Variants in CTXN2 observed in about 807,000 individuals in gnomAD.
CTXN2 encodes the protein cortexin 2, also known as cortexin-2.
A neutral mutation model predicts 5.7 loss-of-function variants in CTXN2; 3 were observed. The ratio of observed to expected loss-of-function variants is 0.53; its 90% CI spans 0.24 to 1.36. The LOEUF (loss-of-function observed/expected upper bound fraction) is 1.36. Among genes scored for constraint, CTXN2 ranks in the 40% most tolerant of loss-of-function variants. The pLI is 0.17. For missense variants in CTXN2, 87 were observed against 93.0 expected (o/e 0.94, Z 0.26); for synonymous variants, 38 against 36.4 (o/e 1.04, Z -0.16).
At chr15:48,186,909 CAA>C (rs751653728), upstream of CTXN2, among the ~76,000 whole-genome samples, 11 of 44,558 alleles carry the variant, frequency 2.5e-4, no homozygotes, top group Admixed American at 2.3e-4. Flanking sequence ...GACTCCATCT[CAA>C]AAAAAAAAAA....
upstream of CTXN2, among the ~76,000 whole-genome samples, chr15:48,186,909 CAAA>C (rs751653728): frequency 2.2e-5 from 1 of 44,556 alleles, no homozygotes; most frequent in Non-Finnish European, 4.7e-5. Context: ...GACTCCATCT[CAAA>C]AAAAAAAAAA....
At chr15:48,189,558 C>T (rs900767362), upstream of CTXN2, 4 of 152,126 alleles carry the variant, frequency 2.6e-5, no homozygotes, top group South Asian at 2.1e-4. Flanking sequence ...AATACAGACT[C>T]AACTATACCA....
intron 1 of CTXN2, among the ~76,000 whole-genome samples, chr15:48,200,040 G>A (rs752245057): frequency 2.0e-5 from 3 of 152,090 alleles, no homozygotes; most frequent in South Asian, 2.1e-4. Flanking sequence ...AAAGCTACAA[G>A]TCCTGCTTTT....
chr15:48,194,312 A>G (rs1180660213), intron 1 of CTXN2, among the ~76,000 whole-genome samples: 1 of 151,972 alleles, frequency 6.6e-6, no homozygotes, highest in East Asian at 1.9e-4. Context: ...TCATGTCTTC[A>G]TTATTGAAAG....
chr15:48,188,054 A>G (rs372508023), upstream of CTXN2, among the ~76,000 whole-genome samples: 3 of 152,118 alleles, frequency 2.0e-5, no homozygotes, highest in South Asian at 2.1e-4. Flanking sequence ...TAAAACAACC[A>G]TATACACTCA....
chr15:48,200,099 G>A (rs1183726614), intron 1 of CTXN2, among the ~76,000 whole-genome samples: 1 of 151,964 alleles, frequency 6.6e-6, no homozygotes, highest in Non-Finnish European at 1.5e-5. Context: ...TTCTGTCTCA[G>A]TTGTTTCCTG....
chr15:48,189,233 G>T (rs1303724263), upstream of CTXN2: 1 of 152,228 alleles, frequency 6.6e-6, no homozygotes, highest in East Asian at 1.9e-4. Flanking sequence ...CCTTCAAAAT[G>T]TAAGCATGTG....
At position 48,197,116 on chromosome 15, in the gene CTXN2, C is replaced by T. The variant is rs575133200; in HGVS notation, c.-57-4128C>T. Among the ~76,000 whole-genome samples the T allele has an allele frequency of 1.6e-3, 247 of 151,370 alleles. 2 individuals carry two copies. Among genetic ancestry groups the T allele is most frequent in the African/African-American group, 5.8e-3 (240 of 41,338 alleles). ...TTTTTGTTGTTTGATAGCATTAAAC[C>T]ATCTTGTACAAATAAAGGGCTTAAT... is the stretch of plus-strand genomic sequence containing the variant. On this transcript the variant is annotated intron_variant, in intron 1 of 1. Transcript: ENST00000417307.
upstream of CTXN2, among the ~76,000 whole-genome samples, chr15:48,188,583 A>G (rs1000006277): frequency 1.3e-5 from 2 of 152,186 alleles, no homozygotes; most frequent in Admixed American, 6.5e-5. Flanking sequence ...ACTGTTTCAC[A>G]TAGAATTACT....
intron 1 of CTXN2, among the ~76,000 whole-genome samples, chr15:48,193,756 C>T (rs934193745): frequency 6.6e-6 from 1 of 152,034 alleles, no homozygotes; most frequent in Non-Finnish European, 1.5e-5. Context: ...TTGTTATTAA[C>T]AATATTTTCA....
intron 1 of CTXN2, among the ~76,000 whole-genome samples, chr15:48,185,968 T>A (rs2040749288): frequency 6.6e-6 from 1 of 152,232 alleles, no homozygotes; most frequent in Non-Finnish European, 1.5e-5. Context: ...TATTTGCCAA[T>A]TATTTTTTAA....
intron 1 of CTXN2, among the ~76,000 whole-genome samples, chr15:48,193,967 A>C (rs1012194204): frequency 4.6e-5 from 7 of 152,154 alleles, no homozygotes; most frequent in Non-Finnish European, 1.0e-4. Flanking sequence ...GGTTTAAATT[A>C]CTAAAACCAT....
intron 1 of CTXN2, among the ~76,000 whole-genome samples, chr15:48,179,181 C>T (rs1225785811): frequency 6.6e-6 from 1 of 152,076 alleles, no homozygotes; most frequent in Non-Finnish European, 1.5e-5. Context: ...TAATCTTTCA[C>T]ATTGACATAA....
intron 1 of CTXN2, among the ~76,000 whole-genome samples, chr15:48,194,059 C>A (rs2040853200): frequency 1.3e-5 from 2 of 152,112 alleles, no homozygotes; most frequent in South Asian, 2.1e-4. Flanking sequence ...CAGCAATGGA[C>A]AAATTTTTAA....
chr15:48,186,011 A>G (rs1026113926), intron 1 of CTXN2, among the ~76,000 whole-genome samples: 3 of 152,232 alleles, frequency 2.0e-5, no homozygotes, highest in Admixed American at 6.5e-5. Context: ...ACATTATGTT[A>G]GAAAACTGCT....
Position 48,197,157 on chromosome 15 carries a change from CTCTT to C in CTXN2, c.-57-4086_-57-4083del. On this transcript the variant is annotated intron_variant, in intron 1 of 1. Coordinates refer to ENST00000417307, the MANE Select transcript of CTXN2 (RefSeq NM_001145668.2). ...AGGGCTTAATCTTATATTGGTCTATCTCTTGATCTGAACATATGGTATGTGAAAC... is the reference window on the plus strand; with the variant it reads ...AGGGCTTAATCTTATATTGGTCTATCGATCTGAACATATGGTATGTGAAAC... Among the ~76,000 whole-genome samples the C allele has an allele frequency of 2.0e-5, 3 of 151,866 alleles. No individual in the cohort carries two copies. The East Asian group carries it at 5.8e-4, about 29-fold the overall frequency.
upstream of CTXN2, among the ~76,000 whole-genome samples, chr15:48,187,676 A>G (rs2040771352): frequency 6.6e-6 from 1 of 152,194 alleles, no homozygotes; most frequent in Admixed American, 6.5e-5. Flanking sequence ...CTCAGTTGTT[A>G]GAGGAAATTC....
In CTXN2 at chr15:48,198,939, G is replaced by C. The variant is rs536498928; in HGVS notation, c.-57-2305G>C. On this transcript the variant is annotated intron_variant, in intron 1 of 1. Transcript: ENST00000417307. ...AAACTGCCCAGGTGCTTTAACTTTT[G>C]TGATGTCAATTGTTAAAGGTTGGGT... 2.0e-5 allele frequency among the ~76,000 whole-genome samples: 3 copies of C among 152,294 alleles called. No individual in the cohort carries two copies. In the South Asian group the frequency reaches 6.2e-4, roughly 32 times the overall value.
upstream of CTXN2, among the ~76,000 whole-genome samples, chr15:48,186,699 G>A (rs767248443): frequency 6.6e-6 from 1 of 151,758 alleles, no homozygotes; most frequent in African/African-American, 2.4e-5. Context: ...AGGAGTTCGA[G>A]ACCAGCCTGA....
Sources: allele counts gnomAD v4.1 joint callset (sites outside exome capture counted in the v4.1 genomes callset), GRCh38; gene constraint gnomAD v4.1.1; transcripts MANE v1.5; gene names NCBI Gene and HGNC (gene_info 2026-07-23, HGNC 2026-07-21).